FBXL17: variants seen among roughly 807,000 people sequenced by gnomAD.
FBXL17 encodes the protein F-box/LRR-repeat protein 17.
In FBXL17, 22 loss-of-function variants were observed where a neutral mutation model predicts 66.2. That is an observed-to-expected ratio of 0.33 (90% confidence interval 0.24 to 0.47). The LOEUF is 0.47. Among genes scored for constraint, FBXL17 ranks in the 20% least tolerant of loss-of-function variants. FBXL17 has a pLI of 1.00. For synonymous variants in FBXL17, 474 were observed against 400.5 expected, an observed-to-expected ratio of 1.18 and a Z score of -2.19; for missense variants, 878 against 948.2, an observed-to-expected ratio of 0.93 and a Z score of 0.97.
chr5:108,010,423 C>T (rs956562440), intron 7 of FBXL17, among the ~76,000 whole-genome samples: 10 of 152,136 alleles, frequency 6.6e-5, no homozygotes, highest in Non-Finnish European at 7.4e-5. Flanking sequence ...AAACTACAAG[C>T]TTTTAGTCCT....
Position 108,047,789 on chromosome 5 carries a change from A to G in FBXL17, c.1746-26788T>C, listed in dbSNP as rs572611989. ...CCAGAGGCTCAGGGACAGAACCTAG[A>G]TCTCCCTGGGCCTGAGCCCCTAGGA... On this transcript the variant is annotated intron_variant, in intron 6 of 8. Coordinates refer to ENST00000542267, the MANE Select transcript of FBXL17 (RefSeq NM_001163315.3). Among the ~76,000 whole-genome samples the G allele has an allele frequency of 5.9e-5, 9 of 152,068 alleles. No individual in the cohort carries two copies. The East Asian group carries it at 1.7e-3, about 30-fold the overall frequency.
At chr5:108,268,365 C>G (rs575899689) in intron 4 of FBXL17, among the ~76,000 whole-genome samples, 6 of 151,896 alleles carry the variant, frequency 4.0e-5, no homozygotes, top group Non-Finnish European at 8.8e-5. Flanking sequence ...TTTTTACTTT[C>G]GAAGCATTTT....
chr5:107,964,536 A>T (rs1295968606), intron 7 of FBXL17, among the ~76,000 whole-genome samples: 3 of 152,154 alleles, frequency 2.0e-5, no homozygotes, highest in African/African-American at 7.2e-5. Context: ...AAGAAGCTGT[A>T]CCCAATTCTC....
chr5:108,145,882 C>CA (rs1478816368), intron 6 of FBXL17, among the ~76,000 whole-genome samples: 3 of 151,422 alleles, frequency 2.0e-5, no homozygotes, highest in Non-Finnish European at 4.4e-5. Flanking sequence ...TCAGTACCGA[C>CA]ACTGAGAGAG....
At chr5:108,101,347 C>T (rs1010897297) in intron 6 of FBXL17, among the ~76,000 whole-genome samples, 10 of 152,226 alleles carry the variant, frequency 6.6e-5, no homozygotes, top group African/African-American at 2.4e-4. Context: ...ATCATACTGA[C>T]ACAGGGCCTG....
At chr5:108,001,450 A>C (rs917122846) in intron 7 of FBXL17, among the ~76,000 whole-genome samples, 11 of 152,226 alleles carry the variant, frequency 7.2e-5, no homozygotes, top group Non-Finnish European at 1.6e-4. Context: ...GAGTAAATTA[A>C]AAATATATTT....
At chr5:108,286,379 T>C (rs750934035) in intron 4 of FBXL17, among the ~76,000 whole-genome samples, 6 of 152,014 alleles carry the variant, frequency 3.9e-5, no homozygotes, top group Non-Finnish European at 7.4e-5. Flanking sequence ...TATAATTCTA[T>C]ATCTAGAAAA....
intron 7 of FBXL17, among the ~76,000 whole-genome samples, chr5:107,943,441 G>GC (rs1379543925): frequency 6.6e-6 from 1 of 151,708 alleles, no homozygotes; most frequent in Non-Finnish European, 1.5e-5. Flanking sequence ...CTTACCACTA[G>GC]CCCCACACAT....
chr5:108,183,669 T>C (rs1753104419), intron 6 of FBXL17, among the ~76,000 whole-genome samples: 1 of 152,152 alleles, frequency 6.6e-6, no homozygotes. Flanking sequence ...GCCCATCCCC[T>C]GAATAGTGCA....
intron 7 of FBXL17, among the ~76,000 whole-genome samples, chr5:107,884,074 T>A (rs188620295): frequency 6.6e-6 from 1 of 152,194 alleles, no homozygotes; most frequent in East Asian, 1.9e-4. Flanking sequence ...GGCACTGGGG[T>A]AGGTATAAGA....
rs116566897 is a variant in FBXL17 at position 108,367,717 on chromosome 5, T to C, written c.1116+114A>G. On this transcript the variant is annotated intron_variant, in intron 2 of 8. Coordinates refer to ENST00000542267, the MANE Select transcript of FBXL17 (RefSeq NM_001163315.3). ...AACTACAGAAGCACAAAATTGTAGATTACAGTGATTTGAACTATCTTAAAA... is the reference window on the plus strand; with the variant it reads ...AACTACAGAAGCACAAAATTGTAGACTACAGTGATTTGAACTATCTTAAAA... The C allele has an allele frequency of 6.0e-3, 5,272 of 884,486 alleles. 22 individuals carry two copies. The highest frequency in any genetic ancestry group is 7.8e-3 in the Non-Finnish European group (4,874 of 623,492). The allele number at this position is 884,486 out of a possible 1,614,324, so 54.8% of individuals were successfully genotyped here.
rs913571966 is a variant in FBXL17, at chr5:108,380,726, G to A, written c.966C>T (p.Asn322=). The part of the protein sequence containing the change: ...REPPPETPDI[N]QLPPSILLKI... ...TGAGCAGGATGGACGGCGGCAGCTGGTTGATGTCTGGGGTTTCGGGGGGCG... is the reference window on the plus strand; with the variant it reads ...TGAGCAGGATGGACGGCGGCAGCTGATTGATGTCTGGGGTTTCGGGGGGCG... Residue 322 remains asparagine, a synonymous_variant, in exon 1 of 9, where the codon AAC becomes AAT. Transcript: ENST00000542267. The A allele has an allele frequency of 4.8e-6, 6 of 1,249,862 alleles. No individual in the cohort carries two copies. The highest frequency in any genetic ancestry group is 4.2e-5 in the Admixed American group (1 of 23,744). The allele number at this position is 1,249,862 out of a possible 1,614,324, so 77.4% of individuals were successfully genotyped here.
chr5:108,329,969 A>T (rs1460399673), intron 4 of FBXL17, among the ~76,000 whole-genome samples: 1 of 151,860 alleles, frequency 6.6e-6, no homozygotes, highest in African/African-American at 2.4e-5. Flanking sequence ...AAATCAGTAG[A>T]CCAGCATGGC....
intron 6 of FBXL17, among the ~76,000 whole-genome samples, chr5:108,057,072 T>C (rs1747736601): frequency 6.6e-6 from 1 of 152,186 alleles, no homozygotes; most frequent in South Asian, 2.1e-4. Flanking sequence ...TCCAAAAGCA[T>C]TTTGCAAATG....
In FBXL17 at chr5:107,859,242, T is replaced by G. The variant is rs977358137; in HGVS notation, c.*2478A>C. ...AGAATAAAAAGCCCTGCATTAAACGTGTTCACATGTATTTATGACATTCTA... is the reference window on the plus strand; with the variant it reads ...AGAATAAAAAGCCCTGCATTAAACGGGTTCACATGTATTTATGACATTCTA... On this transcript the variant is annotated 3_prime_UTR_variant, in exon 9 of 9. Coordinates refer to ENST00000542267, the MANE Select transcript of FBXL17 (RefSeq NM_001163315.3). 1 of 152,102 alleles carries G rather than the reference T, an allele frequency of 6.6e-6. No homozygotes were observed. The highest frequency in any genetic ancestry group is 1.5e-5 in the Non-Finnish European group (1 of 68,010). 9.4% of individuals were successfully genotyped at this position (152,102 alleles called of 1,614,324 possible).
At chr5:108,223,561 T>C (rs1195378102) in intron 5 of FBXL17, among the ~76,000 whole-genome samples, 2 of 152,170 alleles carry the variant, frequency 1.3e-5, no homozygotes, top group Non-Finnish European at 2.9e-5. Context: ...TGGAAAGCAG[T>C]AGAGATGACA....
intron 6 of FBXL17, among the ~76,000 whole-genome samples, chr5:108,096,206 G>A (rs1025494397): frequency 1.3e-5 from 2 of 152,122 alleles, no homozygotes; most frequent in African/African-American, 2.4e-5. Flanking sequence ...ATTTATTTAG[G>A]CATGAAGAGT....
chr5:108,011,578 C>T (rs1277033914), intron 7 of FBXL17, among the ~76,000 whole-genome samples: 3 of 152,040 alleles, frequency 2.0e-5, no homozygotes, highest in Non-Finnish European at 4.4e-5. Flanking sequence ...CCAAGGCGTA[C>T]AGGTCACTTG....
chr5:108,333,638 A>G (rs374373481), intron 4 of FBXL17, among the ~76,000 whole-genome samples: 1 of 152,140 alleles, frequency 6.6e-6, no homozygotes, highest in African/African-American at 2.4e-5. Flanking sequence ...GAAACTGTCA[A>G]TTCTCAATTT....
Sources: gnomAD v4.1 joint callset for allele counts (sites outside exome capture counted in the v4.1 genomes callset) on GRCh38, gnomAD v4.1.1 for gene constraint, MANE v1.5 for transcripts, NCBI Gene and HGNC (gene_info 2026-07-23, HGNC 2026-07-21) for gene names.